The following MAF variants were observed in gnomAD, a reference collection of about 807,000 sequenced individuals.
MAF encodes MAF bZIP transcription factor.
A neutral mutation model predicts 22.0 loss-of-function variants in MAF; 10 were observed. That is an observed-to-expected ratio of 0.45 (90% CI 0.28 to 0.77). The LOEUF is 0.77. Among genes scored for constraint, MAF ranks in the 30% least tolerant of loss-of-function variants. MAF has a pLI of 0.12. For synonymous variants in MAF, 337 were observed against 255.8 expected (o/e 1.32, Z -3.03); for missense variants, 544 against 548.4 (o/e 0.99, Z 0.08).
the MAF span, among the ~76,000 whole-genome samples, chr16:79,517,643 T>C: frequency 5.4e-5 from 8 of 149,488 alleles, no homozygotes; most frequent in African/African-American, 2.0e-4. Context: ...GGCAGGATCT[T>C]GGCTCACTGC....
the MAF span, among the ~76,000 whole-genome samples, chr16:79,216,569 T>C: frequency 1.3e-5 from 2 of 152,230 alleles, no homozygotes; most frequent in African/African-American, 2.4e-5. Flanking sequence ...TGTTAAATGG[T>C]TGTGTTAAAT....
At chr16:79,279,241 T>C in the MAF span, among the ~76,000 whole-genome samples, 2 of 152,020 alleles carry the variant, frequency 1.3e-5, no homozygotes, top group African/African-American at 2.4e-5. Context: ...GCATGTGGGG[T>C]CCTAGTCAGC....
the MAF span, among the ~76,000 whole-genome samples, chr16:79,506,514 G>A: frequency 1.3e-5 from 2 of 152,224 alleles, no homozygotes; most frequent in Non-Finnish European, 2.9e-5. Flanking sequence ...CTGGAATCAT[G>A]CATAGCAGAG....
At chr16:79,498,659 G>C in the MAF span, among the ~76,000 whole-genome samples, 1 of 152,184 alleles carries the variant, frequency 6.6e-6, no homozygotes, top group African/African-American at 2.4e-5. Flanking sequence ...GAGAGGTTAA[G>C]TACCTAGCTG....
chr16:79,311,768 C>G, the MAF span, among the ~76,000 whole-genome samples: 3 of 152,332 alleles, frequency 2.0e-5, no homozygotes, highest in Admixed American at 2.0e-4. Flanking sequence ...CTTGATGCCA[C>G]ACCTGGCAAA....
chr16:79,234,286 C>T, the MAF span, among the ~76,000 whole-genome samples: 1 of 152,012 alleles, frequency 6.6e-6, no homozygotes, highest in Non-Finnish European at 1.5e-5. Context: ...TTTTTGCCCT[C>T]AGCCAGATTT....
At chr16:79,458,109 AGTGTGTGTGTGTGTGTGTGT>A in the MAF span, among the ~76,000 whole-genome samples, 4 of 136,432 alleles carry the variant, frequency 2.9e-5, no homozygotes, top group African/African-American at 1.1e-4. Context: ...GGTATGTATA[AGTGTGTGTGTGTGTGTGTGT>A]GTGTGTGTGT....
the MAF span, among the ~76,000 whole-genome samples, chr16:79,410,718 C>T: frequency 1.3e-5 from 2 of 152,176 alleles, no homozygotes; most frequent in Non-Finnish European, 2.9e-5. Context: ...AGCATTTGAG[C>T]TGCTCATATA....
the MAF span, among the ~76,000 whole-genome samples, chr16:79,476,512 C>G: frequency 6.6e-6 from 1 of 152,152 alleles, no homozygotes; most frequent in Non-Finnish European, 1.5e-5. Flanking sequence ...AAGATTGGGA[C>G]ATAGACCTGG....
chr16:79,391,268 T>C, the MAF span, among the ~76,000 whole-genome samples: 1 of 152,228 alleles, frequency 6.6e-6, no homozygotes, highest in Non-Finnish European at 1.5e-5. Context: ...TCAAGAATGC[T>C]TGCAGCATTA....
chr16:79,330,007 T>C, the MAF span, among the ~76,000 whole-genome samples: 8 of 152,004 alleles, frequency 5.3e-5, no homozygotes, highest in South Asian at 6.2e-4. Flanking sequence ...AACTAATCAA[T>C]TGGCAAAAAT....
the MAF span, among the ~76,000 whole-genome samples, chr16:79,228,911 A>C: frequency 6.6e-6 from 1 of 151,904 alleles, no homozygotes; most frequent in African/African-American, 2.4e-5. Flanking sequence ...TCCCTCCAGC[A>C]ACATCAGCCT....
the MAF span, among the ~76,000 whole-genome samples, chr16:79,461,510 G>A: frequency 6.6e-6 from 1 of 152,110 alleles, no homozygotes; most frequent in Non-Finnish European, 1.5e-5. Flanking sequence ...GCCCTCACGC[G>A]CCAGGCCAAA....
the MAF span, among the ~76,000 whole-genome samples, chr16:79,388,325 T>G: frequency 6.6e-6 from 1 of 151,482 alleles, no homozygotes; most frequent in African/African-American, 2.4e-5. Flanking sequence ...TACAATATAG[T>G]AAAACTAAAT....
chr16:79,299,099 T>C, the MAF span, among the ~76,000 whole-genome samples: 1 of 152,284 alleles, frequency 6.6e-6, no homozygotes, highest in Non-Finnish European at 1.5e-5. Flanking sequence ...AGAGCAAATA[T>C]TTGACTTTTT....
At chr16:79,366,956 C>T in the MAF span, among the ~76,000 whole-genome samples, 1,299 of 152,276 alleles carry the variant, frequency 8.5e-3, 9 homozygotes, top group Non-Finnish European at 0.014. Context: ...ATAGCAAGTG[C>T]CCCATCTGTA....
At chr16:79,448,839 A>G in the MAF span, among the ~76,000 whole-genome samples, 1 of 151,962 alleles carries the variant, frequency 6.6e-6, no homozygotes, top group Non-Finnish European at 1.5e-5. Context: ...TTTTGGCACC[A>G]GGGACTCGTT....
At chr16:79,254,498 T>C in the MAF span, among the ~76,000 whole-genome samples, 2 of 152,218 alleles carry the variant, frequency 1.3e-5, no homozygotes, top group African/African-American at 4.8e-5. Context: ...ATACATGATT[T>C]TTATTATATC....
the MAF span, among the ~76,000 whole-genome samples, chr16:79,288,401 G>A: frequency 6.6e-6 from 1 of 152,128 alleles, no homozygotes; most frequent in Non-Finnish European, 1.5e-5. Flanking sequence ...ATGCTGTGAG[G>A]AGGTCCAAGC....
Sources: allele counts gnomAD v4.1 joint callset (sites outside exome capture counted in the v4.1 genomes callset), GRCh38; gene constraint gnomAD v4.1.1; transcripts MANE v1.5; gene names NCBI Gene and HGNC (gene_info 2026-07-23, HGNC 2026-07-21).